Variants in KCNQ3 observed in about 807,000 individuals in gnomAD.
KCNQ3 encodes the protein potassium voltage-gated channel subfamily KQT member 3.
KCNQ3 carries 30 observed loss-of-function variants against 92.5 expected under a neutral mutation model. The ratio of observed to expected loss-of-function variants is 0.32; its 90% CI spans 0.24 to 0.44. KCNQ3 has a LOEUF of 0.44. Among genes scored for constraint, KCNQ3 ranks in the 20% least tolerant of loss-of-function variants. The pLI, the probability that KCNQ3 is intolerant of heterozygous loss-of-function variation, is 1.00. For synonymous variants in KCNQ3, 450 were observed against 468.8 expected, an observed-to-expected ratio of 0.96 and a Z score of 0.52; for missense variants, 913 against 1,140.3, an observed-to-expected ratio of 0.80 and a Z score of 2.87.
chr8:132,343,746 T>C (rs1413682759), intron 1 of KCNQ3, among the ~76,000 whole-genome samples: 1 of 152,086 alleles, frequency 6.6e-6, no homozygotes, highest in Non-Finnish European at 1.5e-5. Flanking sequence ...GGTGGCATGC[T>C]TGTGGAGACC....
intron 1 of KCNQ3, among the ~76,000 whole-genome samples, chr8:132,476,176 C>T (rs967341930): frequency 1.3e-5 from 2 of 152,236 alleles, no homozygotes; most frequent in African/African-American, 2.4e-5. Context: ...TATGGAAACA[C>T]CTGGATGTCC....
At position 132,354,786 on chromosome 8, in the gene KCNQ3, C is replaced by T. The variant is rs573757833; in HGVS notation, c.386+125361G>A. Among the ~76,000 whole-genome samples the T allele has an allele frequency of 4.4e-3, 671 of 152,360 alleles. 4 individuals carry two copies. The highest frequency in any genetic ancestry group is 0.02 in the South Asian group (98 of 4,832). ...GATCTCCTCCTCTGGAGGCTGAATT[C>T]CTGGCCAGTCTCATTTCCTGTACTG... On this transcript the variant is annotated intron_variant, in intron 1 of 14. Transcript: ENST00000388996.
intron 1 of KCNQ3, among the ~76,000 whole-genome samples, chr8:132,464,187 CTG>C (rs2130860678): frequency 6.6e-6 from 1 of 152,308 alleles, no homozygotes; most frequent in African/African-American, 2.4e-5. Context: ...GCCCATAAGA[CTG>C]TATCACAGCC....
intron 1 of KCNQ3, among the ~76,000 whole-genome samples, chr8:132,422,263 A>C (rs892688042): frequency 6.6e-6 from 1 of 152,032 alleles, no homozygotes; most frequent in African/African-American, 2.4e-5. Flanking sequence ...CTGCACATTG[A>C]CTTCCAGAAT....
intron 1 of KCNQ3, among the ~76,000 whole-genome samples, chr8:132,337,388 T>C (rs556962141): frequency 6.6e-6 from 1 of 152,238 alleles, no homozygotes; most frequent in Admixed American, 6.5e-5. Flanking sequence ...TGCCAGCTAC[T>C]CAGGGGGCTG....
intron 14 of KCNQ3, among the ~76,000 whole-genome samples, chr8:132,131,182 C>CA (rs1205725352): frequency 1.4e-4 from 22 of 152,090 alleles, no homozygotes; most frequent in African/African-American, 5.3e-4. Context: ...AAAATGAAAA[C>CA]AAAATTCTTG....
chr8:132,464,058 G>A (rs536656269), intron 1 of KCNQ3, among the ~76,000 whole-genome samples: 7 of 152,300 alleles, frequency 4.6e-5, no homozygotes, highest in East Asian at 3.9e-4. Context: ...GGTGGCGGGC[G>A]CCTGTAATCC....
At chr8:132,373,746 A>G (rs1819536663) in intron 1 of KCNQ3, among the ~76,000 whole-genome samples, 1 of 152,126 alleles carries the variant, frequency 6.6e-6, no homozygotes, top group African/African-American at 2.4e-5. Flanking sequence ...CCTGACAGAT[A>G]CAGGTGCCCA....
intron 1 of KCNQ3, among the ~76,000 whole-genome samples, chr8:132,451,010 G>A (rs529863955): frequency 6.6e-6 from 1 of 152,338 alleles, no homozygotes; most frequent in East Asian, 1.9e-4. Flanking sequence ...CATCGCTCAA[G>A]ATCAGTAATA....
chr8:132,339,295 T>C (rs2130680688), intron 1 of KCNQ3, among the ~76,000 whole-genome samples: 1 of 152,324 alleles, frequency 6.6e-6, no homozygotes, highest in East Asian at 1.9e-4. Context: ...TTCTGTTCAT[T>C]AATCCGTTAC....
chr8:132,256,142 T>C (rs994773432), intron 1 of KCNQ3, among the ~76,000 whole-genome samples: 1 of 151,912 alleles, frequency 6.6e-6, no homozygotes, highest in Non-Finnish European at 1.5e-5. Flanking sequence ...ATGAAAACAA[T>C]GTCATACCAA....
chr8:132,416,141 G>A (rs1820798459), intron 1 of KCNQ3, among the ~76,000 whole-genome samples: 1 of 152,096 alleles, frequency 6.6e-6, no homozygotes. Context: ...GTTTGTTGTT[G>A]TTGTTTTTAT....
intron 1 of KCNQ3, among the ~76,000 whole-genome samples, chr8:132,327,198 T>C (rs1348970754): frequency 2.0e-5 from 3 of 152,330 alleles, no homozygotes; most frequent in South Asian, 2.1e-4. Context: ...CTTTAACACA[T>C]GCAGGATCTC....
chr8:132,230,053 G>T (rs1382931122), intron 1 of KCNQ3, among the ~76,000 whole-genome samples: 2 of 152,158 alleles, frequency 1.3e-5, no homozygotes, highest in African/African-American at 4.8e-5. Flanking sequence ...TGGGAAGCCA[G>T]CTTTGTCAAT....
intron 1 of KCNQ3, among the ~76,000 whole-genome samples, chr8:132,336,087 T>C (rs1818361165): frequency 6.6e-6 from 1 of 152,234 alleles, no homozygotes; most frequent in African/African-American, 2.4e-5. Context: ...GTTCTCACCA[T>C]CACAGTCCCA....
chr8:132,135,876 A>G (rs1825066268), intron 12 of KCNQ3, among the ~76,000 whole-genome samples: 1 of 151,976 alleles, frequency 6.6e-6, no homozygotes, highest in African/African-American at 2.4e-5. Flanking sequence ...CGCCTGTAAT[A>G]CCAGCAGTTT....
At chr8:132,452,888 G>A (rs1821854666) in intron 1 of KCNQ3, among the ~76,000 whole-genome samples, 1 of 152,174 alleles carries the variant, frequency 6.6e-6, no homozygotes, top group Admixed American at 6.5e-5. Context: ...TTGACATGAT[G>A]TTTGCCTGCC....
chr8:132,173,365 G>A (rs555249814), intron 6 of KCNQ3, among the ~76,000 whole-genome samples: 17 of 152,270 alleles, frequency 1.1e-4, no homozygotes. Flanking sequence ...AACCGACAAG[G>A]TAGGGCTGCA....
chr8:132,443,502 C>A (rs1250529252), intron 1 of KCNQ3, among the ~76,000 whole-genome samples: 1 of 151,890 alleles, frequency 6.6e-6, no homozygotes, highest in East Asian at 1.9e-4. Context: ...AAGTGACAGC[C>A]AGAGTTCTCA....
Sources: gnomAD v4.1 joint callset for allele counts (sites outside exome capture counted in the v4.1 genomes callset) on GRCh38, gnomAD v4.1.1 for gene constraint, MANE v1.5 for transcripts, NCBI Gene and HGNC (gene_info 2026-07-23, HGNC 2026-07-21) for gene names.